Variants in GPHN observed in about 807,000 individuals in gnomAD.
GPHN encodes the protein gephyrin.
GPHN carries 17 observed loss-of-function variants against 95.5 expected under a neutral mutation model. The ratio of observed to expected loss-of-function variants is 0.18; its 90% CI spans 0.12 to 0.27. The LOEUF (loss-of-function observed/expected upper bound fraction) is 0.27. GPHN is among the 10% of genes least tolerant of loss of function. The pLI, the probability that GPHN is intolerant of heterozygous loss-of-function variation, is 1.00. For missense variants in GPHN, 660 were observed against 978.1 expected (o/e 0.67, Z 4.34); for synonymous variants, 320 against 322.5 (o/e 0.99, Z 0.08).
intron 21 of GPHN, among the ~76,000 whole-genome samples, chr14:67,171,889 C>G (rs1339846666): frequency 1.3e-5 from 2 of 151,968 alleles, no homozygotes; most frequent in Admixed American, 1.3e-4. Context: ...GCAGAGGATC[C>G]CAGCAACCCC....
Position 67,018,889 on chromosome 14 carries a change from C to A in GPHN, c.964-4744C>A, listed in dbSNP as rs1490952360. Among the ~76,000 whole-genome samples, 3 of 152,044 alleles carry A rather than the reference C, an allele frequency of 2.0e-5. No homozygotes were observed. In the East Asian group the frequency reaches 5.8e-4, roughly 29 times the overall value. ...GGGCCCAGAGCCTAAAATACCAAAG[C>A]CACATTAAAGGGAAAGTCAAGATAT... On this transcript the variant is annotated intron_variant, in intron 9 of 22. Coordinates refer to ENST00000478722, the MANE Select transcript of GPHN (RefSeq NM_020806.5).
chr14:66,625,796 A>G (rs1445181539), intron 1 of GPHN, among the ~76,000 whole-genome samples: 2 of 152,136 alleles, frequency 1.3e-5, no homozygotes, highest in African/African-American at 2.4e-5. Context: ...AATCTGTGCT[A>G]TTTATGATGC....
intron 4 of GPHN, among the ~76,000 whole-genome samples, chr14:66,840,342 C>G (rs112447536): frequency 5.3e-4 from 80 of 152,096 alleles, no homozygotes; most frequent in African/African-American, 1.7e-3. Context: ...ATACATTCCC[C>G]CAAACATTTA....
intron 17 of GPHN, among the ~76,000 whole-genome samples, chr14:67,137,134 T>G (rs961178544): frequency 5.8e-4 from 87 of 150,426 alleles, no homozygotes; most frequent in African/African-American, 2.1e-3. Context: ...CCAGCCTGGG[T>G]GACAGAGCAA....
the GPHN span, among the ~76,000 whole-genome samples, chr14:67,609,827 C>CT: frequency 2.6e-5 from 4 of 152,246 alleles, no homozygotes; most frequent in East Asian, 5.8e-4. Flanking sequence ...GGGGCTGGCA[C>CT]TAAAGGGACT....
the GPHN span, among the ~76,000 whole-genome samples, chr14:67,418,770 G>A: frequency 1.3e-5 from 2 of 152,208 alleles, no homozygotes; most frequent in Non-Finnish European, 2.9e-5. Flanking sequence ...ACAAAGCAAT[G>A]CCAGAGGGAC....
the GPHN span, among the ~76,000 whole-genome samples, chr14:67,405,685 C>G: frequency 6.6e-6 from 1 of 152,222 alleles, no homozygotes; most frequent in Non-Finnish European, 1.5e-5. Flanking sequence ...CATTCTCTCT[C>G]TTTCTCCCTC....
the GPHN span, among the ~76,000 whole-genome samples, chr14:67,636,121 T>C: frequency 6.6e-6 from 1 of 152,142 alleles, no homozygotes; most frequent in Admixed American, 6.5e-5. Context: ...ATGTCTGTTA[T>C]TCTACCAATG....
intron 1 of GPHN, among the ~76,000 whole-genome samples, chr14:66,543,549 T>C (rs2059427182): frequency 6.6e-6 from 1 of 152,250 alleles, no homozygotes; most frequent in Admixed American, 6.5e-5. Context: ...TATACACCTA[T>C]GTCTGTATCT....
chr14:67,426,365 G>A, the GPHN span, among the ~76,000 whole-genome samples: 2 of 152,068 alleles, frequency 1.3e-5, no homozygotes, highest in African/African-American at 4.8e-5. Flanking sequence ...AAAGCCCTGG[G>A]ACCATGGCTG....
At chr14:67,063,881 A>G (rs540440074) in intron 11 of GPHN, among the ~76,000 whole-genome samples, 48 of 152,288 alleles carry the variant, frequency 3.2e-4, no homozygotes, top group African/African-American at 1.1e-3. Context: ...CTGCAAACAG[A>G]GACAATTTGA....
chr14:67,201,268 T>C, the GPHN span, among the ~76,000 whole-genome samples: 1 of 152,192 alleles, frequency 6.6e-6, no homozygotes. Context: ...CACTCCAGCC[T>C]GGATGATAAG....
At chr14:67,335,946 T>TTTGA in the GPHN span, 2 of 152,206 alleles carry the variant, frequency 1.3e-5, no homozygotes, top group Non-Finnish European at 2.9e-5. Flanking sequence ...CAAAATACTT[T>TTTGA]TTGATTTGTT....
intron 9 of GPHN, among the ~76,000 whole-genome samples, chr14:67,003,555 A>G (rs1338588562): frequency 6.6e-6 from 1 of 151,732 alleles, no homozygotes; most frequent in East Asian, 1.9e-4. Context: ...TCTTCCTTAC[A>G]GTACTCATTG....
the GPHN span, among the ~76,000 whole-genome samples, chr14:67,298,495 A>G: frequency 6.7e-6 from 1 of 149,344 alleles, no homozygotes; most frequent in Non-Finnish European, 1.5e-5. Context: ...AGCCTGGGCG[A>G]CAAGAGTGAA....
At chr14:67,249,598 G>T in the GPHN span, among the ~76,000 whole-genome samples, 1 of 152,132 alleles carries the variant, frequency 6.6e-6, no homozygotes, top group African/African-American at 2.4e-5. Flanking sequence ...TATCTAATAA[G>T]TTCAAATATT....
At chr14:67,186,073 A>G (rs2083366641), downstream of GPHN, among the ~76,000 whole-genome samples, 1 of 152,172 alleles carries the variant, frequency 6.6e-6, no homozygotes, top group Non-Finnish European at 1.5e-5. Flanking sequence ...AATCCTGTCC[A>G]TTTCGTATGG....
At chr14:67,603,772 G>C in the GPHN span, among the ~76,000 whole-genome samples, 2 of 152,204 alleles carry the variant, frequency 1.3e-5, no homozygotes, top group African/African-American at 2.4e-5. Context: ...CCGCATTCCA[G>C]GTTCAAGCGA....
the GPHN span, chr14:67,240,989 C>A: frequency 1.3e-5 from 2 of 152,272 alleles, no homozygotes; most frequent in Non-Finnish European, 2.9e-5. Flanking sequence ...CTTCAGGATA[C>A]GTCATCCAGA....
Sources: allele counts gnomAD v4.1 joint callset (sites outside exome capture counted in the v4.1 genomes callset), GRCh38; gene constraint gnomAD v4.1.1; transcripts MANE v1.5; gene names NCBI Gene and HGNC (gene_info 2026-07-23, HGNC 2026-07-21).